The following MAGI2 variants were observed in gnomAD, a reference collection of about 807,000 sequenced individuals.
MAGI2 encodes the protein membrane associated guanylate kinase, WW and PDZ domain containing 2.
A neutral mutation model predicts 133.3 loss-of-function variants in MAGI2; 35 were observed. The observed-to-expected ratio is 0.26, with a 90% CI of 0.20 to 0.35. The LOEUF is 0.35. Ranked by LOEUF, MAGI2 falls within the 10% of genes least tolerant of loss-of-function variation. The pLI is 1.00. For missense variants in MAGI2, 1,636 were observed against 1,863.4 expected (o/e 0.88, Z 2.25); for synonymous variants, 729 against 710.6 (o/e 1.03, Z -0.41).
chr7:78,804,697 C>T (rs367990070), intron 2 of MAGI2, among the ~76,000 whole-genome samples: 6 of 142,588 alleles, frequency 4.2e-5, no homozygotes, highest in South Asian at 4.3e-4. Flanking sequence ...TGCAGTGAGC[C>T]GAGATGGCGC....
Position 78,832,085 on chromosome 7 carries a change from AT to A in MAGI2, c.418+175004del, listed in dbSNP as rs970311458. On this transcript the variant is annotated intron_variant, in intron 2 of 21. Transcript: ENST00000354212. ...TAAGGGTTTCTTTCTTTCTCTTGCT[AT>A]TTTTTTTAAATAAAATATATCTGAA... 6.6e-5 allele frequency among the ~76,000 whole-genome samples: 10 copies of A among 151,594 alleles called. No individual in the cohort carries two copies. The East Asian group carries it at 1.2e-3, about 18-fold the overall frequency.
intron 2 of MAGI2, among the ~76,000 whole-genome samples, chr7:78,672,621 T>A (rs1214810889): frequency 2.2e-4 from 34 of 152,216 alleles, no homozygotes; most frequent in Non-Finnish European, 8.8e-5. Flanking sequence ...TCTCCACAGT[T>A]GTTTTTAGGA....
At chr7:79,396,880 C>T (rs17421243) in intron 1 of MAGI2, among the ~76,000 whole-genome samples, 19,223 of 118,008 alleles carry the variant, frequency 0.16, 1,375 homozygotes, top group East Asian at 0.29. Context: ...TCACATTTCA[C>T]ATATATTAAG....
intron 2 of MAGI2, among the ~76,000 whole-genome samples, chr7:78,917,441 G>A (rs1798887866): frequency 1.3e-5 from 2 of 152,190 alleles, no homozygotes; most frequent in Admixed American, 6.5e-5. Context: ...ATAGGACTGT[G>A]AAGAGGAATA....
intron 6 of MAGI2, among the ~76,000 whole-genome samples, chr7:78,430,442 G>GT (rs1351738448): frequency 6.6e-6 from 1 of 151,744 alleles, no homozygotes; most frequent in Non-Finnish European, 1.5e-5. Flanking sequence ...AATTTAAAAA[G>GT]TTAAGTAGTA....
intron 1 of MAGI2, among the ~76,000 whole-genome samples, chr7:79,408,595 T>A (rs9969320): frequency 0.24 from 36,387 of 151,982 alleles, 5,549 homozygotes; most frequent in African/African-American, 0.41. Flanking sequence ...TAAATGAAAG[T>A]GCAATATGTG....
At chr7:78,831,988 AC>A (rs1381713217) in intron 2 of MAGI2, among the ~76,000 whole-genome samples, 1 of 152,200 alleles carries the variant, frequency 6.6e-6, no homozygotes, top group Non-Finnish European at 1.5e-5. Context: ...GGCTGTCATT[AC>A]CTGCAGAAAG....
At position 78,601,552 on chromosome 7, in the gene MAGI2, C is replaced by T. The variant is rs927296672; in HGVS notation, c.538+25568G>A. On this transcript the variant is annotated intron_variant, in intron 3 of 21. Coordinates refer to ENST00000354212, the MANE Select transcript of MAGI2 (RefSeq NM_012301.4). ...GAAATTTTGGTTGTTCGAGATATTGCAAAAATCCTGTTTCCTTTCAGTATT... is the reference window on the plus strand; with the variant it reads ...GAAATTTTGGTTGTTCGAGATATTGTAAAAATCCTGTTTCCTTTCAGTATT... Among the ~76,000 whole-genome samples, 4 of 152,204 alleles carry T rather than the reference C, an allele frequency of 2.6e-5. No homozygotes were observed. In the South Asian group the frequency reaches 6.2e-4, roughly 24 times the overall value.
intron 9 of MAGI2, among the ~76,000 whole-genome samples, chr7:78,315,213 G>T (rs911286008): frequency 6.6e-6 from 1 of 152,110 alleles, no homozygotes; most frequent in Non-Finnish European, 1.5e-5. Context: ...ATTTCATACA[G>T]CTTAGGGACA....
chr7:78,901,042 A>G lies in MAGI2; in HGVS notation c.418+106048T>C, dbSNP rs1190070620. On this transcript the variant is annotated intron_variant, in intron 2 of 21. Coordinates refer to ENST00000354212, the MANE Select transcript of MAGI2 (RefSeq NM_012301.4). ...TCTGGCATCTGTCACAAGACGAATT[A>G]GGAGCATGGATAGATCAGTTAAGAT... is the stretch of plus-strand genomic sequence containing the variant. Among the ~76,000 whole-genome samples, 3 of 152,198 alleles carry G rather than the reference A, an allele frequency of 2.0e-5. No homozygotes were observed. The East Asian group carries it at 5.8e-4, about 29-fold the overall frequency.
intron 1 of MAGI2, among the ~76,000 whole-genome samples, chr7:79,049,284 TC>T (rs1812464963): frequency 6.6e-6 from 1 of 152,174 alleles, no homozygotes; most frequent in Non-Finnish European, 1.5e-5. Context: ...GACTTTTTTT[TC>T]CCCCTGCCAT....
At chr7:78,640,877 T>G (rs1810221413) in intron 2 of MAGI2, among the ~76,000 whole-genome samples, 1 of 152,238 alleles carries the variant, frequency 6.6e-6, no homozygotes, top group Admixed American at 6.5e-5. Flanking sequence ...ATGATATAGT[T>G]TGGCTGTGTC....
At position 78,250,301 on chromosome 7, in the gene MAGI2, G is replaced by A. The variant is rs1792253344; in HGVS notation, c.2047+5642C>T. 1.3e-5 allele frequency among the ~76,000 whole-genome samples: 2 copies of A among 151,802 alleles called. 1 individual carries two copies. The highest frequency in any genetic ancestry group is 4.1e-4 in the South Asian group (2 of 4,828). Reference sequence around the variant, plus strand: ...TACACAGTTTTCTAAGTAACCTATAGGTCAAAAAAGAAATTACAAGGGAAA... The same window carrying A: ...TACACAGTTTTCTAAGTAACCTATAAGTCAAAAAAGAAATTACAAGGGAAA... On this transcript the variant is annotated intron_variant, in intron 10 of 21. Coordinates refer to ENST00000354212, the MANE Select transcript of MAGI2 (RefSeq NM_012301.4).
At chr7:79,057,818 A>T (rs1262659294) in intron 1 of MAGI2, among the ~76,000 whole-genome samples, 4 of 152,140 alleles carry the variant, frequency 2.6e-5, no homozygotes, top group Non-Finnish European at 1.5e-5. Flanking sequence ...AGACACTTCC[A>T]TAGGGGTGGT....
At chr7:78,264,524 CGG>C (rs1233439864) in intron 9 of MAGI2, among the ~76,000 whole-genome samples, 1 of 152,086 alleles carries the variant, frequency 6.6e-6, no homozygotes, top group African/African-American at 2.4e-5. Context: ...ACAGGGGAAT[CGG>C]GGAATCCACT....
At chr7:78,452,345 G>T (rs571380252) in intron 6 of MAGI2, among the ~76,000 whole-genome samples, 52 of 152,084 alleles carry the variant, frequency 3.4e-4, no homozygotes, top group Admixed American at 6.6e-4. Flanking sequence ...CCGGGGAAGT[G>T]ATAGTAGGAG....
At chr7:79,269,410 C>A (rs964915981) in intron 1 of MAGI2, among the ~76,000 whole-genome samples, 1 of 152,080 alleles carries the variant, frequency 6.6e-6, no homozygotes, top group Non-Finnish European at 1.5e-5. Flanking sequence ...GACTGAAATG[C>A]CTGTCTCTTC....
intron 6 of MAGI2, among the ~76,000 whole-genome samples, chr7:78,427,685 ATGAATT>A (rs1219392980): frequency 6.6e-6 from 1 of 151,620 alleles, no homozygotes; most frequent in Non-Finnish European, 1.5e-5. Flanking sequence ...CAGCCAGAAT[ATGAATT>A]TGAACAACAT....
chr7:78,688,891 C>T (rs1047089010), intron 2 of MAGI2, among the ~76,000 whole-genome samples: 4 of 152,168 alleles, frequency 2.6e-5, no homozygotes, highest in South Asian at 2.1e-4. Context: ...TTTACTGTGA[C>T]GGATCCCTGT....
Sources: gnomAD v4.1 joint callset for allele counts (sites outside exome capture counted in the v4.1 genomes callset) on GRCh38, gnomAD v4.1.1 for gene constraint, MANE v1.5 for transcripts, NCBI Gene and HGNC (gene_info 2026-07-23, HGNC 2026-07-21) for gene names.